The following UXS1 variants were observed in gnomAD, a reference collection of about 807,000 sequenced individuals.
UXS1 encodes UDP-glucuronic acid decarboxylase 1.
A neutral mutation model predicts 62.6 loss-of-function variants in UXS1; 33 were observed. The observed-to-expected ratio is 0.53, with a 90% CI of 0.40 to 0.70. The LOEUF (loss-of-function observed/expected upper bound fraction) is 0.70. Among genes scored for constraint, UXS1 ranks in the 30% least tolerant of loss-of-function variants. UXS1 has a pLI of 0.00. For missense variants in UXS1, 434 were observed against 556.3 expected, an observed-to-expected ratio of 0.78 and a Z score of 2.21; for synonymous variants, 213 against 206.8, an observed-to-expected ratio of 1.03 and a Z score of -0.26.
chr2:106,175,284 G>A (rs760153476), intron 1 of UXS1, among the ~76,000 whole-genome samples: 2 of 152,204 alleles, frequency 1.3e-5, no homozygotes. Context: ...TTCCAATGCT[G>A]GACTGTTTGC....
At chr2:106,174,051 T>TA (rs1445448216) in intron 1 of UXS1, among the ~76,000 whole-genome samples, 1 of 126,356 alleles carries the variant, frequency 7.9e-6, no homozygotes, top group Non-Finnish European at 1.5e-5. Context: ...TGGGATGACT[T>TA]ACGGACGGAG....
chr2:106,164,195 C>G (rs1272189421), intron 3 of UXS1, among the ~76,000 whole-genome samples: 3 of 152,206 alleles, frequency 2.0e-5, no homozygotes, highest in East Asian at 3.9e-4. Flanking sequence ...TCAAGGGCTT[C>G]CCAGGACTCC....
chr2:106,186,877 T>C (rs1446223516), intron 1 of UXS1, among the ~76,000 whole-genome samples: 1 of 151,838 alleles, frequency 6.6e-6, no homozygotes, highest in Non-Finnish European at 1.5e-5. Context: ...TATGGTACAA[T>C]GGGGGGAAAT....
chr2:106,096,822 C>T lies in UXS1; in HGVS notation c.1043-1G>A. Reference sequence around the variant, plus strand: ...AGAAACTGAATTTCACTTCCGCTACCTGAGATGTTTAAAGAAAAAAAAGGT... The same window carrying T: ...AGAAACTGAATTTCACTTCCGCTACTTGAGATGTTTAAAGAAAAAAAAGGT... On this transcript the variant is annotated splice_acceptor_variant, in intron 13 of 14. Transcript: ENST00000283148. LOFTEE classifies it high-confidence loss of function. 6.3e-7 allele frequency: 1 copy of T among 1,578,258 alleles called. No individual in the cohort carries two copies. The highest frequency in any genetic ancestry group is 8.6e-7 in the Non-Finnish European group (1 of 1,160,184).
chr2:106,185,489 G>C lies in UXS1; in HGVS notation c.94+8659C>G, dbSNP rs1406050766. On this transcript the variant is annotated intron_variant, in intron 1 of 14. Coordinates refer to ENST00000283148, the MANE Select transcript of UXS1 (RefSeq NM_001253875.2). Reference sequence around the variant, plus strand: ...TCAATTCTGGCTCCTTGGAGAGAAGGCTGATTCCAGGTTTGGGGTAGAAAA... The same window carrying C: ...TCAATTCTGGCTCCTTGGAGAGAAGCCTGATTCCAGGTTTGGGGTAGAAAA... Among the ~76,000 whole-genome samples, 3 of 152,156 alleles carry C rather than the reference G, an allele frequency of 2.0e-5. No homozygotes were observed. The East Asian group carries it at 5.8e-4, about 29-fold the overall frequency.
At chr2:106,164,369 C>CGTGGATGCTCTTTATATTT (rs6146867) in intron 3 of UXS1, among the ~76,000 whole-genome samples, 1 of 152,106 alleles carries the variant, frequency 6.6e-6, no homozygotes. Context: ...CATCTGTGCA[C>CGTGGATGCTCTTTATATTT]GTGGCCTAGC....
chr2:106,143,193 G>A (rs1681263474), intron 6 of UXS1, among the ~76,000 whole-genome samples: 1 of 151,562 alleles, frequency 6.6e-6, no homozygotes, highest in Non-Finnish European at 1.5e-5. Context: ...CGGATCATGA[G>A]GGCAGGAGAT....
intron 6 of UXS1, among the ~76,000 whole-genome samples, chr2:106,144,871 G>A (rs1219026307): frequency 6.6e-6 from 1 of 152,114 alleles, no homozygotes; most frequent in Non-Finnish European, 1.5e-5. Flanking sequence ...TGGGGCTTGG[G>A]ATGCCAACAT....
intron 1 of UXS1, among the ~76,000 whole-genome samples, chr2:106,177,978 A>G (rs1683996918): frequency 6.6e-6 from 1 of 152,226 alleles, no homozygotes; most frequent in African/African-American, 2.4e-5. Flanking sequence ...CTCTGAAGAC[A>G]TTCCACATTT....
intron 1 of UXS1, among the ~76,000 whole-genome samples, chr2:106,190,552 C>A (rs1207659307): frequency 6.6e-6 from 1 of 152,058 alleles, no homozygotes; most frequent in Non-Finnish European, 1.5e-5. Flanking sequence ...TTGAGACCAG[C>A]CTGACCAACA....
At chr2:106,154,695 T>C (rs1459060411) in intron 5 of UXS1, among the ~76,000 whole-genome samples, 1 of 152,208 alleles carries the variant, frequency 6.6e-6, no homozygotes, top group East Asian at 1.9e-4. Context: ...ACCACTCAGA[T>C]GGTGGTAACT....
At chr2:106,156,813 G>C (rs1331374662) in intron 5 of UXS1, among the ~76,000 whole-genome samples, 3 of 152,132 alleles carry the variant, frequency 2.0e-5, no homozygotes, top group African/African-American at 4.8e-5. Context: ...CTACATTTTC[G>C]ATTCGTGGTT....
rs1023153787 is a variant in UXS1 at position 106,102,684 on chromosome 2, T to C, written c.924-1566A>G. 2.6e-5 allele frequency: 4 copies of C among 152,228 alleles called. No homozygotes were observed. In the East Asian group the frequency reaches 7.7e-4, roughly 29 times the overall value. 9.4% of individuals were successfully genotyped at this position (152,228 alleles called of 1,614,324 possible). On this transcript the variant is annotated intron_variant, in intron 11 of 14. Transcript: ENST00000283148. ...TGTTGTTTCGAGGCAATCATGGGTT[T>C]GGGGAATGGTTAATTTAGTACAGTA...
intron 5 of UXS1, among the ~76,000 whole-genome samples, chr2:106,153,571 TG>T (rs972037212): frequency 1.3e-5 from 2 of 151,132 alleles, no homozygotes; most frequent in African/African-American, 4.9e-5. Context: ...TTGGGGAAGG[TG>T]GGGGTTGGGA....
intron 5 of UXS1, among the ~76,000 whole-genome samples, chr2:106,152,581 G>GAAAGAAAGA (rs1682120682): frequency 1.6e-5 from 2 of 123,530 alleles, no homozygotes; most frequent in African/African-American, 2.9e-5. Context: ...GGAAGGAAAG[G>GAAAGAAAGA]AAAGAAAGAA....
chr2:106,099,429 C>T (rs1215948211), intron 12 of UXS1, among the ~76,000 whole-genome samples: 3 of 152,082 alleles, frequency 2.0e-5, no homozygotes, highest in South Asian at 2.1e-4. Context: ...AATTCTATAC[C>T]CTAAAGCCTC....
At chr2:106,188,199 ACTT>A (rs978338697) in intron 1 of UXS1, among the ~76,000 whole-genome samples, 2 of 151,992 alleles carry the variant, frequency 1.3e-5, no homozygotes, top group African/African-American at 2.4e-5. Context: ...CTCCTCCCTG[ACTT>A]CTTTTTTGTT....
In UXS1 at chr2:106,188,559, G is replaced by A. The variant is rs562415306; in HGVS notation, c.94+5589C>T. Among the ~76,000 whole-genome samples the A allele has an allele frequency of 4.6e-5, 7 of 152,324 alleles. No homozygotes were observed. The East Asian group carries it at 1.4e-3, about 29-fold the overall frequency. On this transcript the variant is annotated intron_variant, in intron 1 of 14. Transcript: ENST00000283148. ...CTGACAGAGGAGCCCAGATCCCCCT[G>A]GGACAATCAGGTTACTGATTAGGCT... is the stretch of plus-strand genomic sequence containing the variant.
At chr2:106,096,060 C>T (rs11900943) in intron 14 of UXS1, among the ~76,000 whole-genome samples, 7 of 152,098 alleles carry the variant, frequency 4.6e-5, no homozygotes, top group African/African-American at 4.8e-5. Context: ...GGCTCCACTG[C>T]GGGGCTGATG....
Sources: allele counts gnomAD v4.1 joint callset (sites outside exome capture counted in the v4.1 genomes callset), GRCh38; gene constraint gnomAD v4.1.1; transcripts MANE v1.5; gene names NCBI Gene and HGNC (gene_info 2026-07-23, HGNC 2026-07-21).